The following PHF14 variants were observed in gnomAD, a reference collection of about 807,000 sequenced individuals.
PHF14 encodes the protein PHD finger protein 14.
A neutral mutation model predicts 117.9 loss-of-function variants in PHF14; 55 were observed. The observed-to-expected ratio is 0.47, with a 90% CI of 0.38 to 0.58. The LOEUF (loss-of-function observed/expected upper bound fraction) is 0.58. Ranked by LOEUF, PHF14 falls within the 20% of genes least tolerant of loss-of-function variation. The probability of loss-of-function intolerance (pLI) is 0.00; values close to 1 mark genes in which losing one functional copy is unlikely to be tolerated. For missense variants in PHF14, 978 were observed against 1,122.2 expected (o/e 0.87, Z 1.84); for synonymous variants, 409 against 368.6 (o/e 1.11, Z -1.26).
Position 11,075,448 on chromosome 7 carries a change from G to C in PHF14, c.2654+13363G>C, listed in dbSNP as rs115266699. ...ACTTACAATCATGGCAGAAGGCAAA[G>C]GGGGAGCTGGCATATCACATAGAGC... is the stretch of plus-strand genomic sequence containing the variant. On this transcript the variant is annotated intron_variant, in intron 16 of 17. Coordinates refer to ENST00000634607, the MANE Select transcript of PHF14 (RefSeq NM_001007157.2). 5.9e-3 allele frequency among the ~76,000 whole-genome samples: 903 copies of C among 152,174 alleles called. 11 individuals carry two copies. The highest frequency in any genetic ancestry group is 0.021 in the African/African-American group (860 of 41,516).
At position 11,111,414 on chromosome 7, in the gene PHF14, A is replaced by G; in HGVS notation, c.2719A>G (p.Lys907Glu). Residue 907 changes from lysine (K) to glutamate (E), a missense_variant, in exon 17 of 18, where the codon AAA (lysine) becomes GAA (glutamate). Lys to Glu is a moderately conservative substitution (Grantham distance 56). This residue lies in a region of PHF14 where 180 missense variants were observed against 195.4 expected (regional missense o/e 0.92). Transcript: ENST00000634607. The stretch of plus-strand genomic sequence containing the variant: ...GGATCCTCCTTTGAAAAAGTCTCCT[A>G]AACAGACAGGCTACGGATGGATATG... Reference protein sequence around the residue: ...CLDPPLKKSPKQTGYGWICQE... With the variant: ...CLDPPLKKSPEQTGYGWICQE... 1 of 1,608,898 alleles carries G rather than the reference A, an allele frequency of 6.2e-7. No homozygotes were observed.
intron 3 of PHF14, among the ~76,000 whole-genome samples, chr7:10,990,195 A>G (rs1215095899): frequency 2.0e-5 from 3 of 152,222 alleles, no homozygotes; most frequent in Non-Finnish European, 2.9e-5. Flanking sequence ...GTGCCATCAC[A>G]TACATACTTG....
intron 17 of PHF14, among the ~76,000 whole-genome samples, chr7:11,159,045 G>C (rs955070053): frequency 1.3e-5 from 2 of 152,080 alleles, no homozygotes; most frequent in Admixed American, 1.3e-4. Flanking sequence ...TTTAAGTATT[G>C]AAATATTTAA....
At chr7:11,122,398 CATATATATATACACGT>C (rs1554275332) in intron 17 of PHF14, among the ~76,000 whole-genome samples, 75 of 123,540 alleles carry the variant, frequency 6.1e-4, no homozygotes, top group South Asian at 5.1e-4. Context: ...CATACACACA[CATATATATATACACGT>C]ATATATATAT....
chr7:10,974,606 T>C (rs932672506), intron 1 of PHF14, among the ~76,000 whole-genome samples: 6 of 152,046 alleles, frequency 3.9e-5, no homozygotes, highest in Non-Finnish European at 7.4e-5. Context: ...CTGGTCTGAG[T>C]TGGCGTTGGC....
Position 11,114,063 on chromosome 7 carries a change from A to G in PHF14, c.2772+2596A>G, listed in dbSNP as rs191335932. On this transcript the variant is annotated intron_variant, in intron 17 of 17. Coordinates refer to ENST00000634607, the MANE Select transcript of PHF14 (RefSeq NM_001007157.2). ...ATATATTTTAATGAAATGAAAAGCTAAAGGAGAAATACTTATTGCCATAAG... is the reference window on the plus strand; with the variant it reads ...ATATATTTTAATGAAATGAAAAGCTGAAGGAGAAATACTTATTGCCATAAG... Among the ~76,000 whole-genome samples, 989 of 152,262 alleles carry G rather than the reference A, an allele frequency of 6.5e-3. 7 individuals are homozygous for G. The highest frequency in any genetic ancestry group is 0.031 in the Middle Eastern group (9 of 294).
intron 17 of PHF14, among the ~76,000 whole-genome samples, chr7:11,120,503 AG>A (rs1787718406): frequency 6.6e-6 from 1 of 152,080 alleles, no homozygotes. Flanking sequence ...CACACTAAAC[AG>A]GGGAAGGTCA....
chr7:11,042,362 T>C (rs997399706), intron 12 of PHF14, among the ~76,000 whole-genome samples: 1 of 151,876 alleles, frequency 6.6e-6, no homozygotes, highest in Non-Finnish European at 1.5e-5. Flanking sequence ...GTGAAATGGG[T>C]TTTAAGTAAT....
chr7:11,015,938 G>T (rs1246023460), intron 5 of PHF14, among the ~76,000 whole-genome samples: 1 of 151,772 alleles, frequency 6.6e-6, no homozygotes, highest in Non-Finnish European at 1.5e-5. Context: ...TTAGGGAAGA[G>T]AATTTATTTT....
chr7:11,048,777 T>C (rs1351825662), intron 13 of PHF14, among the ~76,000 whole-genome samples: 1 of 152,232 alleles, frequency 6.6e-6, no homozygotes, highest in Non-Finnish European at 1.5e-5. Context: ...CATAATACTC[T>C]TGTAGTCTAC....
rs140384101 is a variant in PHF14 at position 10,978,811 on chromosome 7, GA to G, written c.113-3554del. ...AGACATTGCCAGTTGTCCTCTGGGG[GA>G]AAAAAATGTTCCCGTTTGAGTACCA... On this transcript the variant is annotated intron_variant, in intron 2 of 17. Coordinates refer to ENST00000634607, the MANE Select transcript of PHF14 (RefSeq NM_001007157.2). 7.9e-3 allele frequency among the ~76,000 whole-genome samples: 1,201 copies of G among 152,094 alleles called. 18 individuals carry two copies. Among genetic ancestry groups the G allele is most frequent in the African/African-American group, 0.027 (1,131 of 41,474 alleles).
chr7:11,056,006 A>C (rs1047257439), intron 14 of PHF14, among the ~76,000 whole-genome samples: 1 of 152,186 alleles, frequency 6.6e-6, no homozygotes, highest in Non-Finnish European at 1.5e-5. Context: ...GGGGCTTTAC[A>C]TACCAGAGTT....
chr7:11,034,359 A>G (rs1251184481), intron 7 of PHF14, among the ~76,000 whole-genome samples: 1 of 151,996 alleles, frequency 6.6e-6, no homozygotes, highest in Non-Finnish European at 1.5e-5. Context: ...ACTTTTTTGT[A>G]CTACATCTTT....
intron 17 of PHF14, among the ~76,000 whole-genome samples, chr7:11,168,021 A>AC (rs1002239719): frequency 6.7e-6 from 1 of 149,022 alleles, no homozygotes; most frequent in African/African-American, 2.4e-5. Flanking sequence ...GTCCGTCTCA[A>AC]AAAAAAAAAA....
At chr7:11,126,394 T>A (rs763549340) in intron 17 of PHF14, among the ~76,000 whole-genome samples, 4 of 152,130 alleles carry the variant, frequency 2.6e-5, no homozygotes, top group Non-Finnish European at 5.9e-5. Flanking sequence ...CTAAGTGCTG[T>A]AAAGGATAGA....
intron 16 of PHF14, among the ~76,000 whole-genome samples, chr7:11,081,582 C>T (rs908620675): frequency 9.9e-5 from 15 of 152,122 alleles, no homozygotes; most frequent in African/African-American, 3.6e-4. Context: ...TAAGATTTAT[C>T]GTGGTGACCC....
intron 17 of PHF14, among the ~76,000 whole-genome samples, chr7:11,166,065 T>C (rs1385432094): frequency 1.3e-5 from 2 of 152,244 alleles, no homozygotes; most frequent in African/African-American, 4.8e-5. Flanking sequence ...GTGCACATTC[T>C]TGAAATTTCA....
At chr7:11,088,124 T>C (rs1269445720) in intron 16 of PHF14, among the ~76,000 whole-genome samples, 1 of 152,212 alleles carries the variant, frequency 6.6e-6, no homozygotes, top group Non-Finnish European at 1.5e-5. Flanking sequence ...GTCCCTTATG[T>C]AAAATGCCAT....
chr7:11,068,184 A>G (rs540712932), intron 16 of PHF14, among the ~76,000 whole-genome samples: 14 of 152,000 alleles, frequency 9.2e-5, no homozygotes, highest in African/African-American at 2.4e-4. Context: ...CCCCGTCTCT[A>G]CTAAAAAATA....
Sources: gnomAD v4.1 joint callset for allele counts (sites outside exome capture counted in the v4.1 genomes callset) on GRCh38, gnomAD v4.1.1 for gene constraint, gnomAD v4.1.1 regional missense constraint, MANE v1.5 for transcripts, NCBI Gene and HGNC (gene_info 2026-07-23, HGNC 2026-07-21) for gene names.